Variants in CNTNAP3B observed in about 807,000 individuals in gnomAD.
CNTNAP3B encodes contactin associated protein family member 3B, also known as contactin-associated protein-like 3B.
Under a neutral mutation model 108.9 loss-of-function variants are expected in CNTNAP3B, and 25 were observed. The ratio of observed to expected loss-of-function variants is 0.23; its 90% confidence interval spans 0.17 to 0.32. The LOEUF (loss-of-function observed/expected upper bound fraction) is 0.32. Among genes scored for constraint, CNTNAP3B ranks in the 10% least tolerant of loss-of-function variants. The pLI is 1.00. For synonymous variants in CNTNAP3B, 103 were observed against 473.4 expected, an observed-to-expected ratio of 0.22 and a Z score of 10.16; for missense variants, 252 against 1,210.4, an observed-to-expected ratio of 0.21 and a Z score of 11.75.
intron 12 of CNTNAP3B, among the ~76,000 whole-genome samples, chr9:41,957,863 C>A (rs1243369205): frequency 6.6e-6 from 1 of 152,400 alleles, no homozygotes; most frequent in Middle Eastern, 3.4e-3. Flanking sequence ...TGGATTCATG[C>A]CATTCTTCCT....
chr9:42,043,047 T>A (rs1469527196), intron 3 of CNTNAP3B, among the ~76,000 whole-genome samples: 2 of 149,538 alleles, frequency 1.3e-5, no homozygotes, highest in Non-Finnish European at 3.0e-5. Context: ...ACATACTTCC[T>A]TAAGCCCTTT....
At chr9:42,128,363 A>G (rs1828616394) in intron 1 of CNTNAP3B, among the ~76,000 whole-genome samples, 1 of 136,904 alleles carries the variant, frequency 7.3e-6, no homozygotes, top group Admixed American at 7.3e-5. Flanking sequence ...ATTAGCATCC[A>G]GAGAGGAATC....
rs573856883 is a variant in CNTNAP3B at position 42,123,733 on chromosome 9, T to C, written c.85+5277A>G. On this transcript the variant is annotated intron_variant, in intron 1 of 23. Coordinates refer to ENST00000377561, the MANE Select transcript of CNTNAP3B (RefSeq NM_001201380.3). ...ATAAACTTTTTTCCACGGGATTTAG[T>C]TACAAAATAAGTTAAGGAACTACAA... 1.4e-4 allele frequency among the ~76,000 whole-genome samples: 20 copies of C among 138,520 alleles called. 3 individuals are homozygous for C. The East Asian group carries it at 3.9e-3, about 27-fold the overall frequency. 90.9% of individuals were successfully genotyped at this position (138,520 alleles called of 152,430 possible).
At position 42,110,238 on chromosome 9, in the gene CNTNAP3B, C is replaced by T. The variant is rs1270071515; in HGVS notation, c.86-5499G>A. On this transcript the variant is annotated intron_variant, in intron 1 of 23. Coordinates refer to ENST00000377561, the MANE Select transcript of CNTNAP3B (RefSeq NM_001201380.3). ...AAATACGTTTAACATCCCTTTGAAT[C>T]GCACAGATACTCAATTCCTTCTGAG... 5.2e-5 allele frequency among the ~76,000 whole-genome samples: 7 copies of T among 134,626 alleles called. 1 individual carries two copies. The highest frequency in any genetic ancestry group is 3.0e-4 in the Admixed American group (4 of 13,402). The allele number at this position is 134,626 out of a possible 152,430, so 88.3% of individuals were successfully genotyped here.
At chr9:42,051,724 T>A (rs1826963413) in intron 3 of CNTNAP3B, among the ~76,000 whole-genome samples, 1 of 149,044 alleles carries the variant, frequency 6.7e-6, no homozygotes, top group Non-Finnish European at 1.5e-5. Flanking sequence ...CCGTTTAACT[T>A]TTTTTATTAT....
intron 12 of CNTNAP3B, among the ~76,000 whole-genome samples, chr9:41,956,669 G>GA (rs1824871413): frequency 6.8e-6 from 1 of 147,098 alleles, no homozygotes; most frequent in African/African-American, 2.6e-5. Flanking sequence ...ATTTGTCTGA[G>GA]AAAATCTTTA....
At chr9:41,945,920 AG>A (rs1335698740) in intron 13 of CNTNAP3B, among the ~76,000 whole-genome samples, 1 of 152,258 alleles carries the variant, frequency 6.6e-6, no homozygotes, top group Non-Finnish European at 1.5e-5. Context: ...CTAACCAAAA[AG>A]AAAGACAGAG....
At chr9:41,953,007 G>T (rs1384787917) in intron 13 of CNTNAP3B, among the ~76,000 whole-genome samples, 176 bp downstream of exon 13, 1 of 152,262 alleles carries the variant, frequency 6.6e-6, no homozygotes, top group African/African-American at 2.4e-5. Flanking sequence ...TCAGGAAGGC[G>T]CTCTTGAATG....
At chr9:41,950,854 G>C (rs921925113) in intron 13 of CNTNAP3B, among the ~76,000 whole-genome samples, 2 of 142,536 alleles carry the variant, frequency 1.4e-5, no homozygotes, top group African/African-American at 5.2e-5. Context: ...TCCACCTCCC[G>C]GGTTCACGCC....
rs777005682 is a variant in CNTNAP3B at position 41,929,365 on chromosome 9, G to A, written c.2317C>T (p.His773Tyr). 2.2e-5 allele frequency: 34 copies of A among 1,544,624 alleles called. 4 individuals are homozygous for A. The highest frequency in any genetic ancestry group is 2.7e-5 in the Non-Finnish European group (31 of 1,139,682). The change falls in exon 15 of 24, where the codon CAT (histidine) becomes TAT (tyrosine). Residue 773 changes from histidine to tyrosine, a missense_variant. Transcript: ENST00000377561. The part of the protein sequence containing the change: ...QIVMTDTGQP[H>Y]SEADYTLGPL... Reference sequence around the variant, plus strand: ...CCCAGTGTATAATCTGCTTCGGAATGTGGTTGGCCTGTGTCTGTCATCACA... The same window carrying A: ...CCCAGTGTATAATCTGCTTCGGAATATGGTTGGCCTGTGTCTGTCATCACA...
At chr9:41,969,848 TCTC>T (rs1160167494) in intron 10 of CNTNAP3B, among the ~76,000 whole-genome samples, 16 of 137,074 alleles carry the variant, frequency 1.2e-4, no homozygotes, top group African/African-American at 4.5e-4. Flanking sequence ...ATGAAGTTGA[TCTC>T]CTGATCTCGT....
At chr9:41,964,275 C>T (rs1344288597) in intron 11 of CNTNAP3B, among the ~76,000 whole-genome samples, 11 of 152,102 alleles carry the variant, frequency 7.2e-5, no homozygotes, top group African/African-American at 2.4e-4. Flanking sequence ...CTACCTTTTA[C>T]TATATCTGAT....
intron 2 of CNTNAP3B, among the ~76,000 whole-genome samples, chr9:42,086,271 C>G (rs1158924213): frequency 7.1e-6 from 1 of 140,830 alleles, no homozygotes; most frequent in South Asian, 2.3e-4. Context: ...TTATCTCCCA[C>G]TGGGTCCCTC....
chr9:41,913,948 G>C (rs1283806905), intron 18 of CNTNAP3B, among the ~76,000 whole-genome samples: 1 of 50,970 alleles, frequency 2.0e-5, no homozygotes, highest in East Asian at 3.7e-4. Context: ...CCACTATTGT[G>C]ATTAGTGCTA....
intron 12 of CNTNAP3B, among the ~76,000 whole-genome samples, chr9:41,956,029 A>C (rs562764831): frequency 1.5e-4 from 23 of 152,378 alleles, no homozygotes; most frequent in African/African-American, 5.5e-4. Context: ...CTATTTTATA[A>C]TAAAGTGTTG....
rs1463200610 is a variant in CNTNAP3B at position 42,122,559 on chromosome 9, T to C, written c.85+6451A>G. On this transcript the variant is annotated intron_variant, in intron 1 of 23. Coordinates refer to ENST00000377561, the MANE Select transcript of CNTNAP3B (RefSeq NM_001201380.3). ...ACCCTATATTTGAACAGCTATATAA[T>C]ATTATATATTTATTTTCCCATTTGA... 1.5e-5 allele frequency among the ~76,000 whole-genome samples: 2 copies of C among 132,126 alleles called. 1 individual carries two copies. The highest frequency in any genetic ancestry group is 3.2e-5 in the Non-Finnish European group (2 of 62,684). The allele number at this position is 132,126 out of a possible 152,430, so 86.7% of individuals were successfully genotyped here.
At chr9:41,965,149 T>C (rs1249616969) in intron 10 of CNTNAP3B, among the ~76,000 whole-genome samples, 25 of 152,414 alleles carry the variant, frequency 1.6e-4, no homozygotes, top group African/African-American at 5.8e-4. Context: ...CAGTCGGTTA[T>C]TGCTTTTTAA....
chr9:41,944,277 A>T (rs2118101971), intron 13 of CNTNAP3B, among the ~76,000 whole-genome samples: 1 of 148,866 alleles, frequency 6.7e-6, no homozygotes, highest in South Asian at 2.2e-4. Context: ...GAAAAAAATT[A>T]AAATAAAATC....
intron 10 of CNTNAP3B, among the ~76,000 whole-genome samples, chr9:41,966,785 G>T (rs1334034581): frequency 6.6e-6 from 1 of 151,536 alleles, no homozygotes; most frequent in Non-Finnish European, 1.5e-5. Context: ...GGCTAACACG[G>T]TGAAACCCCG....
Sources: gnomAD v4.1 joint callset for allele counts (sites outside exome capture counted in the v4.1 genomes callset) on GRCh38, gnomAD v4.1.1 for gene constraint, MANE v1.5 for transcripts, NCBI Gene and HGNC (gene_info 2026-07-23, HGNC 2026-07-21) for gene names.